EDA: variants seen among roughly 807,000 people sequenced by gnomAD.
EDA encodes the protein ectodysplasin A.
Under a neutral mutation model 23.6 loss-of-function variants are expected in EDA, and 2 were observed. That is an observed-to-expected ratio of 0.08 (90% CI 0.03 to 0.27). EDA has a LOEUF of 0.27. EDA is among the 10% of genes least tolerant of loss of function. The pLI, the probability that EDA is intolerant of heterozygous loss-of-function variation, is 1.00. For missense variants in EDA, 229 were observed against 324.2 expected (o/e 0.71, Z 2.26); for synonymous variants, 131 against 132.0 (o/e 0.99, Z 0.05).
intron 1 of EDA, among the ~76,000 whole-genome samples, chrX:69,750,441 G>A (rs2013798419): frequency 9.1e-6 from 1 of 109,819 alleles, no homozygotes; most frequent in African/African-American, 3.3e-5. Context: ...ATTTGTGTTG[G>A]TTCCAAGTCT....
At chrX:69,618,991 G>A (rs903063673) in intron 1 of EDA, among the ~76,000 whole-genome samples, 1 of 111,773 alleles carries the variant, frequency 8.9e-6, no homozygotes, top group Non-Finnish European at 1.9e-5. Context: ...TAGTGCCCTG[G>A]TGCACCCTCT....
At chrX:69,946,743 C>T (rs960039970) in intron 1 of EDA, among the ~76,000 whole-genome samples, 3 of 110,968 alleles carry the variant, frequency 2.7e-5, no homozygotes, top group Non-Finnish European at 5.7e-5. Context: ...ATGTTGTAGT[C>T]AGATGTGGCT....
chrX:69,887,023 G>T (rs1400146730), intron 1 of EDA, among the ~76,000 whole-genome samples: 1 of 112,284 alleles, frequency 8.9e-6, no homozygotes, highest in Non-Finnish European at 1.9e-5. Flanking sequence ...AAGAAATGGA[G>T]ATCTACAAAT....
chrX:69,725,130 T>TGAAC (rs2012742846), intron 1 of EDA, among the ~76,000 whole-genome samples: 1 of 112,236 alleles, frequency 8.9e-6, no homozygotes, highest in East Asian at 2.8e-4. Flanking sequence ...CAGATCTGAC[T>TGAAC]GAACGTGTGG....
chrX:69,783,048 G>C (rs2015003283), intron 1 of EDA, among the ~76,000 whole-genome samples: 1 of 111,640 alleles, frequency 9.0e-6, no homozygotes, highest in African/African-American at 3.3e-5. Context: ...TGAAGTGTAA[G>C]TATATCTGTA....
chrX:69,800,357 A>G (rs2015654326), intron 1 of EDA, among the ~76,000 whole-genome samples: 1 of 111,535 alleles, frequency 9.0e-6, no homozygotes, highest in African/African-American at 3.3e-5. Context: ...AACGTGTTAT[A>G]TTTTTCAAAA....
intron 1 of EDA, among the ~76,000 whole-genome samples, chrX:69,712,170 G>C (rs1262833585): frequency 1.8e-5 from 2 of 110,769 alleles, no homozygotes; most frequent in Non-Finnish European, 3.8e-5. Context: ...CTTTGAATGT[G>C]TCCCAGAGAT....
At chrX:69,698,777 G>A (rs1031266560) in intron 1 of EDA, among the ~76,000 whole-genome samples, 3 of 110,982 alleles carry the variant, frequency 2.7e-5, no homozygotes, top group African/African-American at 9.9e-5. Context: ...GGTGTGTGGA[G>A]AATCCATTTT....
intron 1 of EDA, among the ~76,000 whole-genome samples, chrX:69,754,219 T>G (rs1459195072): frequency 2.7e-5 from 3 of 112,093 alleles, no homozygotes; most frequent in African/African-American, 9.7e-5. Context: ...GGTTGTTCCT[T>G]TCCATGTTTA....
chrX:69,704,724 A>G (rs1164558423), intron 1 of EDA, among the ~76,000 whole-genome samples: 1 of 111,216 alleles, frequency 9.0e-6, no homozygotes, highest in African/African-American at 3.3e-5. Flanking sequence ...TAAGTTACTG[A>G]AAAAGATTTT....
At chrX:69,942,846 A>G (rs1223875989) in intron 1 of EDA, among the ~76,000 whole-genome samples, 3 of 109,948 alleles carry the variant, frequency 2.7e-5, no homozygotes, top group African/African-American at 6.6e-5. Flanking sequence ...TTTTGAGGCT[A>G]TTTTCTAGAT....
chrX:69,896,532 T>C (rs1448566585), intron 1 of EDA, among the ~76,000 whole-genome samples: 1 of 110,840 alleles, frequency 9.0e-6, no homozygotes, highest in African/African-American at 3.3e-5. Flanking sequence ...ATTCAGCCCA[T>C]AACATGTACC....
chrX:69,725,649 G>A (rs1189984635), intron 1 of EDA, among the ~76,000 whole-genome samples: 1 of 112,294 alleles, frequency 8.9e-6, no homozygotes, highest in African/African-American at 3.2e-5. Context: ...TTGACACATA[G>A]CATGTGCTCA....
At chrX:69,705,414 A>T (rs2011679668) in intron 1 of EDA, among the ~76,000 whole-genome samples, 1 of 110,911 alleles carries the variant, frequency 9.0e-6, no homozygotes, top group South Asian at 3.8e-4. Context: ...CCTTGTCACA[A>T]CATCATCTAT....
chrX:69,837,017 T>C (rs1386328611), intron 1 of EDA, among the ~76,000 whole-genome samples: 1 of 112,388 alleles, frequency 8.9e-6, no homozygotes, highest in Admixed American at 9.4e-5. Context: ...TTCTTTAATT[T>C]TTAAAAAATT....
intron 1 of EDA, among the ~76,000 whole-genome samples, chrX:69,794,654 A>T (rs1285997827): frequency 8.9e-6 from 1 of 112,509 alleles, no homozygotes; most frequent in South Asian, 3.7e-4. Flanking sequence ...TGAAGAGGCT[A>T]TTGCAGTAGA....
intron 1 of EDA, among the ~76,000 whole-genome samples, chrX:69,841,657 G>A (rs1044070388): frequency 8.9e-5 from 10 of 111,994 alleles, no homozygotes; most frequent in African/African-American, 3.2e-4. Flanking sequence ...AGGCAATATA[G>A]TTTCTTCTTC....
At chrX:69,767,454 A>T (rs1200566607) in intron 1 of EDA, among the ~76,000 whole-genome samples, 1 of 110,357 alleles carries the variant, frequency 9.1e-6, no homozygotes, top group East Asian at 2.8e-4. Flanking sequence ...AATTTTTATA[A>T]ATGGATTCAT....
At chrX:70,000,958 T>C (rs775431535) in intron 2 of EDA, among the ~76,000 whole-genome samples, 14 of 111,837 alleles carry the variant, frequency 1.3e-4, no homozygotes, top group African/African-American at 4.5e-4. Flanking sequence ...GAGTATAATG[T>C]ATAGAGGATG....
Sources: allele counts gnomAD v4.1 joint callset (sites outside exome capture counted in the v4.1 genomes callset), GRCh38; gene constraint gnomAD v4.1.1; transcripts MANE v1.5; gene names NCBI Gene and HGNC (gene_info 2026-07-23, HGNC 2026-07-21).